Variants in EFL1 observed in about 807,000 individuals in gnomAD.
The protein encoded by EFL1 is elongation factor like GTPase 1, also known as elongation factor-like GTPase 1.
A neutral mutation model predicts 126.7 loss-of-function variants in EFL1; 76 were observed. The ratio of observed to expected loss-of-function variants is 0.60; its 90% CI spans 0.50 to 0.73. The LOEUF (loss-of-function observed/expected upper bound fraction) is 0.73, where lower values mean the gene tolerates loss of function less well. EFL1 is among the 30% of genes least tolerant of loss of function. The pLI is 0.00. For missense variants in EFL1, 1,128 were observed against 1,343.2 expected, an observed-to-expected ratio of 0.84 and a Z score of 2.50; for synonymous variants, 410 against 448.4, an observed-to-expected ratio of 0.91 and a Z score of 1.08.
At chr15:82,226,050 C>T (rs2141309927) in intron 11 of EFL1, among the ~76,000 whole-genome samples, 1 of 152,312 alleles carries the variant, frequency 6.6e-6, no homozygotes, top group African/African-American at 2.4e-5. Context: ...AACAGAATGA[C>T]ATGCCCTGAT....
At chr15:82,239,585 C>T (rs144760515) in intron 6 of EFL1, among the ~76,000 whole-genome samples, 18 of 152,312 alleles carry the variant, frequency 1.2e-4, no homozygotes, top group Non-Finnish European at 2.6e-4. Context: ...ATTTCAAACT[C>T]TCACGCACGG....
chr15:82,262,468 A>G, intron 1 of EFL1, 146 bp downstream of exon 1: 1 of 184,068 alleles, frequency 5.4e-6, no homozygotes, highest in Non-Finnish European at 1.1e-5. Flanking sequence ...CCCAGACGGG[A>G]AGCGGCACTC....
At chr15:82,251,556 A>AAT (rs1399036390) in intron 4 of EFL1, among the ~76,000 whole-genome samples, 1 of 152,242 alleles carries the variant, frequency 6.6e-6, no homozygotes, top group Non-Finnish European at 1.5e-5. Flanking sequence ...TGAAGTCTAT[A>AAT]AAACGAGATA....
Position 82,261,729 on chromosome 15 carries a change from G to A in EFL1, c.50C>T (p.Ala17Val), listed in dbSNP as rs1374985267. Reference protein sequence around the residue: ...DKMIQLQKNTANIRNICVLAH... With the variant: ...DKMIQLQKNTVNIRNICVLAH... Reference sequence around the variant, plus strand: ...CAAAACACAAATATTCCTGATGTTGGCAGTGTTTTTCTGGAGTTGAATCAT... The same window carrying A: ...CAAAACACAAATATTCCTGATGTTGACAGTGTTTTTCTGGAGTTGAATCAT... Residue 17 changes from alanine to valine, a missense_variant, in exon 2 of 20, where the codon GCC becomes GTC. Ala to Val is a moderately conservative substitution (Grantham distance 64, BLOSUM62 0). Around this residue, in one of 6 missense-constraint regions of EFL1, gnomAD observed 118 missense variants for 188.1 expected, o/e 0.63. Coordinates refer to ENST00000268206, the MANE Select transcript of EFL1 (RefSeq NM_024580.6). The A allele has an allele frequency of 6.2e-7, 1 of 1,613,908 alleles. No homozygotes were observed. Among genetic ancestry groups the A allele is most frequent in the Non-Finnish European group, 8.5e-7 (1 of 1,180,022 alleles).
intron 4 of EFL1, among the ~76,000 whole-genome samples, chr15:82,252,228 T>C (rs903481875): frequency 6.6e-6 from 1 of 152,354 alleles, no homozygotes. Context: ...ATCAGTGACA[T>C]GTATCTCATA....
Position 82,256,113 on chromosome 15 carries a change from ATTG to A in EFL1, c.159+2972_159+2974del, listed in dbSNP as rs138757322. On this transcript the variant is annotated intron_variant, in intron 3 of 19. Transcript: ENST00000268206. ...CCAATATCTCATAGGTTTTGTTGTT[ATTG>A]TTGTTGTTTTTGAAGAGATGGCGTC... 3.2e-3 allele frequency among the ~76,000 whole-genome samples: 491 copies of A among 151,978 alleles called. 7 individuals carry two copies. Among genetic ancestry groups the A allele is most frequent in the African/African-American group, 0.011 (462 of 41,448 alleles).
intron 19 of EFL1, among the ~76,000 whole-genome samples, chr15:82,133,291 C>T (rs147799570): frequency 1.3e-4 from 20 of 152,212 alleles, no homozygotes; most frequent in East Asian, 3.9e-4. Context: ...ATGGTTCTTG[C>T]GGCTGAAAAC....
chr15:82,153,089 T>C (rs1364198509), intron 17 of EFL1, among the ~76,000 whole-genome samples: 1 of 152,206 alleles, frequency 6.6e-6, no homozygotes, highest in Non-Finnish European at 1.5e-5. Context: ...GCATTTGAAA[T>C]GCGGCTAGTA....
chr15:82,260,935 A>G (rs1230810347), intron 2 of EFL1, among the ~76,000 whole-genome samples: 3 of 152,220 alleles, frequency 2.0e-5, no homozygotes, highest in Admixed American at 6.5e-5. Context: ...TTTGAAATCA[A>G]GAGGAGGCTT....
intron 4 of EFL1, among the ~76,000 whole-genome samples, chr15:82,244,678 C>T (rs1450074770): frequency 3.9e-5 from 6 of 152,118 alleles, no homozygotes; most frequent in Admixed American, 3.9e-4. Flanking sequence ...ACAATTTCTG[C>T]TGCTAATAGG....
chr15:82,182,834 A>G (rs1240322465), intron 15 of EFL1, among the ~76,000 whole-genome samples: 1 of 152,166 alleles, frequency 6.6e-6, no homozygotes, highest in Non-Finnish European at 1.5e-5. Context: ...CAAAAAAAAA[A>G]AAGAATCATA....
intron 19 of EFL1, among the ~76,000 whole-genome samples, chr15:82,138,430 A>ATGTGTATGTGTGTG (rs2073747343): frequency 6.8e-6 from 1 of 146,014 alleles, no homozygotes; most frequent in African/African-American, 2.5e-5. Flanking sequence ...GAGAGAGTGT[A>ATGTGTATGTGTGTG]TGTGTGTGTG....
chr15:82,158,222 G>A (rs944751538), intron 16 of EFL1, among the ~76,000 whole-genome samples: 7 of 151,938 alleles, frequency 4.6e-5, no homozygotes, highest in South Asian at 2.1e-4. Flanking sequence ...CTCAAACATC[G>A]CCTATAAAAT....
intron 11 of EFL1, among the ~76,000 whole-genome samples, chr15:82,225,546 C>T (rs2074754276): frequency 6.6e-6 from 1 of 152,196 alleles, no homozygotes; most frequent in Non-Finnish European, 1.5e-5. Context: ...TAAAGCTATG[C>T]AATGAGGTTA....
At chr15:82,251,842 C>CA (rs2075024369) in intron 4 of EFL1, among the ~76,000 whole-genome samples, 1 of 152,076 alleles carries the variant, frequency 6.6e-6, no homozygotes, top group Admixed American at 6.5e-5. Flanking sequence ...CTTCTAATTA[C>CA]AAAAATATAC....
intron 15 of EFL1, among the ~76,000 whole-genome samples, chr15:82,166,390 C>G (rs1434380495): frequency 1.3e-5 from 2 of 152,132 alleles, no homozygotes; most frequent in African/African-American, 4.8e-5. Context: ...CAAGAGACCA[C>G]AATGTTCATA....
chr15:82,155,266 C>G (rs2073955532), intron 17 of EFL1, among the ~76,000 whole-genome samples: 1 of 152,010 alleles, frequency 6.6e-6, no homozygotes, highest in Admixed American at 6.6e-5. Flanking sequence ...CTTTGGGAGG[C>G]CGAGGAGGTT....
Position 82,261,352 on chromosome 15 carries a change from T to C in EFL1, c.91+336A>G, listed in dbSNP as rs1369194446. On this transcript the variant is annotated intron_variant, in intron 2 of 19. Transcript: ENST00000268206. ...AGACGTTTGATAAATATCTGATGAATTAAATAGGATCACATACCACAGACT... is the reference window on the plus strand; with the variant it reads ...AGACGTTTGATAAATATCTGATGAACTAAATAGGATCACATACCACAGACT... 2.6e-5 allele frequency among the ~76,000 whole-genome samples: 4 copies of C among 152,238 alleles called. No homozygotes were observed. The East Asian group carries it at 7.7e-4, about 29-fold the overall frequency.
chr15:82,228,138 T>G (rs1182812354), intron 10 of EFL1, 53 bp downstream of exon 10: 2 of 1,547,088 alleles, frequency 1.3e-6, no homozygotes, highest in African/African-American at 2.8e-5. Context: ...ACGCATTGTT[T>G]TTTCTAGCTT....
Sources: gnomAD v4.1 joint callset for allele counts (sites outside exome capture counted in the v4.1 genomes callset) on GRCh38, gnomAD v4.1.1 for gene constraint, gnomAD v4.1.1 regional missense constraint, MANE v1.5 for transcripts, NCBI Gene and HGNC (gene_info 2026-07-23, HGNC 2026-07-21) for gene names.